The following WDPCP variants were observed in gnomAD, a reference collection of about 807,000 sequenced individuals.
WDPCP encodes the protein WD repeat containing planar cell polarity effector, also known as WD repeat-containing and planar cell polarity effector protein fritz homolog.
WDPCP carries 71 observed loss-of-function variants against 93.1 expected under a neutral mutation model. The observed-to-expected ratio is 0.76, with a 90% CI of 0.63 to 0.93. The LOEUF (loss-of-function observed/expected upper bound fraction) is 0.93, where lower values mean the gene tolerates loss of function less well. Ranked by LOEUF, WDPCP falls within the 40% of genes least tolerant of loss-of-function variation. WDPCP has a pLI of 0.00. For missense variants in WDPCP, 844 were observed against 887.4 expected (o/e 0.95, Z 0.62); for synonymous variants, 315 against 315.0 (o/e 1.00, Z 0.00).
chr2:63,409,980 A>T (rs115312250), intron 9 of WDPCP, among the ~76,000 whole-genome samples: 2,584 of 152,296 alleles, frequency 0.017, 62 homozygotes, highest in African/African-American at 0.056. Context: ...ATCAAGGAAA[A>T]CTTTCCCAGC....
At chr2:63,275,913 T>G (rs1683051029) in intron 13 of WDPCP, among the ~76,000 whole-genome samples, 1 of 150,216 alleles carries the variant, frequency 6.7e-6, no homozygotes, top group Non-Finnish European at 1.5e-5. Context: ...CTCCAAGAAC[T>G]ACTGCAAGAA....
intron 12 of WDPCP, among the ~76,000 whole-genome samples, chr2:63,344,571 A>G (rs1485191353): frequency 6.6e-6 from 1 of 152,092 alleles, no homozygotes; most frequent in East Asian, 1.9e-4. Flanking sequence ...ATTCACCCAA[A>G]TATCTTTCTC....
At chr2:63,549,247 C>CAAAAA (rs60864094) in intron 1 of WDPCP, among the ~76,000 whole-genome samples, 20 of 87,628 alleles carry the variant, frequency 2.3e-4, no homozygotes, top group East Asian at 6.9e-4. Flanking sequence ...GAGACTGTCT[C>CAAAAA]AAAAAAAAAA....
At chr2:63,722,813 G>A (rs909919957) in intron 2 of WDPCP, among the ~76,000 whole-genome samples, 3 of 152,112 alleles carry the variant, frequency 2.0e-5, no homozygotes, top group Admixed American at 6.5e-5. Context: ...AACGGGCCAG[G>A]ATGACAATGG....
chr2:63,806,517 C>G (rs1670764955), intron 2 of WDPCP, among the ~76,000 whole-genome samples: 1 of 152,174 alleles, frequency 6.6e-6, no homozygotes, highest in Non-Finnish European at 1.5e-5. Context: ...TTGATAACAT[C>G]TTATCAGGAG....
Position 63,627,071 on chromosome 2 carries a change from C to G in WDPCP, n.488+23588G>C, listed in dbSNP as rs1364900168. Among the ~76,000 whole-genome samples the G allele has an allele frequency of 3.3e-5, 5 of 151,684 alleles. No homozygotes were observed. In the East Asian group the frequency reaches 9.6e-4, roughly 29 times the overall value. ...TGAATGACACATTTGGTGACTACTT[C>G]CATTAATAAGTAATTTTTCTGCTTT... On this transcript the variant is annotated intron_variant and non_coding_transcript_variant, in intron 3 of 4. Coordinates refer to the WDPCP transcript ENST00000467687.
intron 2 of WDPCP, among the ~76,000 whole-genome samples, chr2:63,700,954 T>C (rs1052266007): frequency 4.6e-5 from 7 of 152,170 alleles, no homozygotes; most frequent in Non-Finnish European, 1.0e-4. Flanking sequence ...AGGACATTGG[T>C]CTTGGCAAAG....
intron 14 of WDPCP, among the ~76,000 whole-genome samples, chr2:63,206,796 T>A (rs1016230277): frequency 6.6e-6 from 1 of 152,214 alleles, no homozygotes; most frequent in African/African-American, 2.4e-5. Flanking sequence ...TTAGTTTTAT[T>A]TTTAATTTAC....
At position 63,439,790 on chromosome 2, in the gene WDPCP, C is replaced by G; in HGVS notation, c.466G>C (p.Val156Leu). The change falls in exon 7 of 18, where the codon GTG (valine) becomes CTG (leucine). Residue 156 changes from valine to leucine, a missense_variant. Transcript: ENST00000272321. The stretch of plus-strand genomic sequence containing the variant: ...ATGGTGTCTGAGATGAGCTTCCCCA[C>G]CAGGCTTCTGTCAATCACCACTTTC... ...LEKVVIDRSL[V>L]GKLISDTISD... The G allele has an allele frequency of 1.2e-6, 2 of 1,613,258 alleles. No individual in the cohort carries two copies. The highest frequency in any genetic ancestry group is 1.7e-6 in the Non-Finnish European group (2 of 1,179,386).
At chr2:63,467,459 G>A (rs1433044294) in intron 6 of WDPCP, among the ~76,000 whole-genome samples, 3 of 150,856 alleles carry the variant, frequency 2.0e-5, no homozygotes, top group African/African-American at 4.9e-5. Flanking sequence ...GCAACAGAGG[G>A]AGACCCCATC....
chr2:63,702,843 G>C (rs986950848), intron 2 of WDPCP, among the ~76,000 whole-genome samples: 1 of 151,712 alleles, frequency 6.6e-6, no homozygotes, highest in African/African-American at 2.4e-5. Context: ...TTAGCATTGG[G>C]TATATCTCCT....
intron 15 of WDPCP, among the ~76,000 whole-genome samples, chr2:63,162,812 A>G (rs1402014446): frequency 1.3e-5 from 2 of 152,188 alleles, no homozygotes; most frequent in Non-Finnish European, 2.9e-5. Flanking sequence ...CATAAAGTCC[A>G]CTAATAAAGG....
At chr2:63,176,732 A>C in intron 14 of WDPCP, among the ~76,000 whole-genome samples, 1 of 152,126 alleles carries the variant, frequency 6.6e-6, no homozygotes, top group Middle Eastern at 3.2e-3. Flanking sequence ...CCTTTAATGC[A>C]TAAAAGTTTT....
intron 17 of WDPCP, among the ~76,000 whole-genome samples, chr2:63,151,567 T>A (rs892343929): frequency 3.3e-5 from 5 of 152,170 alleles, no homozygotes; most frequent in African/African-American, 7.2e-5. Context: ...TCTAAAAAAA[T>A]AAGCTATTTA....
chr2:63,557,732 A>G (rs987932902), intron 1 of WDPCP, among the ~76,000 whole-genome samples: 1 of 152,214 alleles, frequency 6.6e-6, no homozygotes, highest in Non-Finnish European at 1.5e-5. Context: ...TCTAAAATCT[A>G]TCACATAATT....
intron 2 of WDPCP, among the ~76,000 whole-genome samples, chr2:63,715,448 A>G (rs571619211): frequency 6.6e-6 from 1 of 152,344 alleles, no homozygotes; most frequent in African/African-American, 2.4e-5. Context: ...CCTTACAATG[A>G]GAAGCTACTT....
chr2:63,585,122 T>A (rs1421885151), intron 1 of WDPCP, among the ~76,000 whole-genome samples: 1 of 152,200 alleles, frequency 6.6e-6, no homozygotes, highest in Non-Finnish European at 1.5e-5. Context: ...ATTGTGTATG[T>A]ATAAAATTGT....
intron 2 of WDPCP, among the ~76,000 whole-genome samples, chr2:63,735,599 A>G (rs1260886237): frequency 6.6e-6 from 1 of 152,202 alleles, no homozygotes; most frequent in Non-Finnish European, 1.5e-5. Context: ...TGTATGTGGG[A>G]AAGATTAACT....
chr2:63,223,762 T>C (rs534545172), intron 14 of WDPCP, among the ~76,000 whole-genome samples: 2 of 152,112 alleles, frequency 1.3e-5, no homozygotes, highest in South Asian at 2.1e-4. Flanking sequence ...CACATAGATA[T>C]CCAAATAACC....
Sources: allele counts gnomAD v4.1 joint callset (sites outside exome capture counted in the v4.1 genomes callset), GRCh38; gene constraint gnomAD v4.1.1; transcripts MANE v1.5; gene names NCBI Gene and HGNC (gene_info 2026-07-23, HGNC 2026-07-21).